Variants in LRP1B observed in about 807,000 individuals in gnomAD.
LRP1B encodes the protein low-density lipoprotein receptor-related protein 1B.
A neutral mutation model predicts 556.6 loss-of-function variants in LRP1B; 217 were observed. That is an observed-to-expected ratio of 0.39 (90% confidence interval 0.35 to 0.44). The LOEUF is 0.44. Among genes scored for constraint, LRP1B ranks in the 20% least tolerant of loss-of-function variants. LRP1B has a pLI of 1.00. For missense variants in LRP1B, 5,053 were observed against 5,620.8 expected, an observed-to-expected ratio of 0.90 and a Z score of 3.23; for synonymous variants, 2,047 against 1,865.8, an observed-to-expected ratio of 1.10 and a Z score of -2.50.
intron 1 of LRP1B, among the ~76,000 whole-genome samples, chr2:142,080,522 T>A (rs1705671142): frequency 6.8e-6 from 1 of 147,392 alleles, no homozygotes; most frequent in South Asian, 2.1e-4. Flanking sequence ...GGGTTGAGTT[T>A]GTAAAAAAAA....
At chr2:141,654,939 G>A (rs543927454) in intron 2 of LRP1B, among the ~76,000 whole-genome samples, 1 of 152,236 alleles carries the variant, frequency 6.6e-6, no homozygotes, top group East Asian at 1.9e-4. Flanking sequence ...TGTTAGGGAG[G>A]TGTACAATGC....
chr2:140,719,743 C>A lies in LRP1B; in HGVS notation c.5759-2927G>T, dbSNP rs536678876. 9.2e-5 allele frequency among the ~76,000 whole-genome samples: 14 copies of A among 152,100 alleles called. 1 individual carries two copies. Among genetic ancestry groups the A allele is most frequent in the African/African-American group, 3.1e-4 (13 of 41,540 alleles). The stretch of plus-strand genomic sequence containing the variant: ...GAGGAACTAACATATTTTCTCGTAT[C>A]CTTTCTATTAGGTACATTTGGGAAA... On this transcript the variant is annotated intron_variant, in intron 35 of 90. Coordinates refer to ENST00000389484, the MANE Select transcript of LRP1B (RefSeq NM_018557.3).
intron 1 of LRP1B, among the ~76,000 whole-genome samples, chr2:141,890,355 T>TA: frequency 2.0e-5 from 2 of 100,406 alleles, no homozygotes; most frequent in Non-Finnish European, 4.1e-5. Context: ...TATATATGTA[T>TA]TGTGCATATA....
chr2:141,598,224 A>G (rs1470884157), intron 2 of LRP1B, among the ~76,000 whole-genome samples: 2 of 152,088 alleles, frequency 1.3e-5, no homozygotes, highest in African/African-American at 4.8e-5. Flanking sequence ...TTCATCTTGA[A>G]TACCACAGTG....
intron 2 of LRP1B, among the ~76,000 whole-genome samples, chr2:141,537,255 A>C (rs1278800689): frequency 6.6e-6 from 1 of 152,128 alleles, no homozygotes; most frequent in Non-Finnish European, 1.5e-5. Context: ...ATGCATTAAG[A>C]AAAACTACAT....
chr2:140,275,021 C>T (rs527378447), intron 84 of LRP1B, among the ~76,000 whole-genome samples: 2 of 151,998 alleles, frequency 1.3e-5, no homozygotes, highest in South Asian at 2.1e-4. Context: ...GGTTGTTGGA[C>T]GCCGAAAGAA....
chr2:141,028,394 A>G (rs1415993492), intron 11 of LRP1B, among the ~76,000 whole-genome samples: 1 of 151,898 alleles, frequency 6.6e-6, no homozygotes, highest in Non-Finnish European at 1.5e-5. Flanking sequence ...GCAAAAAAAA[A>G]TGAGATGTTG....
At chr2:141,255,839 C>T (rs957642678) in intron 3 of LRP1B, among the ~76,000 whole-genome samples, 2 of 151,824 alleles carry the variant, frequency 1.3e-5, no homozygotes, top group African/African-American at 4.8e-5. Context: ...ATGTAAAAAT[C>T]CCATCCCCTC....
chr2:140,442,663 A>G lies in LRP1B; in HGVS notation c.10295-40T>C, dbSNP rs140828173. ...TGCCATTAAAATGTAGCTTTGGAGA[A>G]CATATTTATTTATTAAAAGCAAATT... is the stretch of plus-strand genomic sequence containing the variant. On this transcript the variant is annotated intron_variant, in intron 65 of 90. Coordinates refer to ENST00000389484, the MANE Select transcript of LRP1B (RefSeq NM_018557.3). The G allele has an allele frequency of 3.2e-3, 5,041 of 1,600,120 alleles. 128 individuals are homozygous for G. In the African/African-American group the frequency reaches 0.056, roughly 18 times the overall value.
chr2:141,689,138 G>A (rs901492873), intron 2 of LRP1B, among the ~76,000 whole-genome samples: 1 of 151,676 alleles, frequency 6.6e-6, no homozygotes, highest in African/African-American at 2.4e-5. Context: ...TTTTACCATC[G>A]TTTTCCCTTT....
Position 140,509,997 on chromosome 2 carries a change from G to C in LRP1B, c.8329C>G (p.Arg2777Gly), listed in dbSNP as rs371528816. ...SCQGSRACVP[R>G]HWLCDGERDC... is the part of the protein sequence containing the mutation. ...CTTTCACCATCACAAAGCCAATGTCGGGGCACGCAGGCACGAGAGCCCTGG... is the reference window on the plus strand; with the variant it reads ...CTTTCACCATCACAAAGCCAATGTCCGGGCACGCAGGCACGAGAGCCCTGG... The change falls in exon 52 of 91, where the codon CGA (arginine) becomes GGA (glycine). Residue 2777 changes from arginine (R) to glycine (G), a missense_variant. Physicochemically the swap from Arg to Gly is moderately radical, Grantham distance 125. This residue lies in a region of LRP1B where 3,619 missense variants were observed against 3,931.9 expected (regional missense o/e 0.92). Coordinates refer to ENST00000389484, the MANE Select transcript of LRP1B (RefSeq NM_018557.3). 41 of 1,613,940 alleles carry C rather than the reference G, an allele frequency of 2.5e-5. No homozygotes were observed. The African/African-American group carries it at 5.1e-4, about 20-fold the overall frequency.
In LRP1B at chr2:141,352,701, C is replaced by T. The variant is rs547153577; in HGVS notation, c.344-98060G>A. Among the ~76,000 whole-genome samples the T allele has an allele frequency of 4.3e-4, 66 of 151,928 alleles. 1 individual carries two copies. Among genetic ancestry groups the T allele is most frequent in the African/African-American group, 1.3e-3 (54 of 41,466 alleles). Reference sequence around the variant, plus strand: ...TTATCCTATAAGATAATGATTGTTACAATTTACACTAGGACAATATTAACA... The same window carrying T: ...TTATCCTATAAGATAATGATTGTTATAATTTACACTAGGACAATATTAACA... On this transcript the variant is annotated intron_variant, in intron 3 of 90. Transcript: ENST00000389484.
chr2:140,733,929 A>G (rs1392514114), intron 35 of LRP1B, among the ~76,000 whole-genome samples: 1 of 152,232 alleles, frequency 6.6e-6, no homozygotes, highest in Non-Finnish European at 1.5e-5. Flanking sequence ...AATTTTAAGT[A>G]GATTGTCTGG....
At chr2:140,254,738 G>A (rs1053878828) in intron 86 of LRP1B, among the ~76,000 whole-genome samples, 2 of 151,972 alleles carry the variant, frequency 1.3e-5, no homozygotes, top group Non-Finnish European at 2.9e-5. Flanking sequence ...AATTTTAGTA[G>A]AGGTGGGGTT....
At chr2:141,802,775 C>A (rs1054794322) in intron 2 of LRP1B, among the ~76,000 whole-genome samples, 5 of 151,996 alleles carry the variant, frequency 3.3e-5, no homozygotes, top group Admixed American at 6.6e-5. Flanking sequence ...AAGCGTCCTC[C>A]GGGAAGAAAT....
chr2:141,397,519 T>C (rs1008639880), intron 3 of LRP1B, among the ~76,000 whole-genome samples: 26 of 151,998 alleles, frequency 1.7e-4, no homozygotes, highest in Non-Finnish European at 3.4e-4. Context: ...ATTATATTAA[T>C]ACACAATATT....
intron 2 of LRP1B, among the ~76,000 whole-genome samples, chr2:141,759,483 T>A (rs1182790971): frequency 6.6e-6 from 1 of 152,140 alleles, no homozygotes; most frequent in East Asian, 1.9e-4. Context: ...ATCATTAGCA[T>A]TTTTAAAGAA....
intron 1 of LRP1B, among the ~76,000 whole-genome samples, chr2:142,047,153 C>A (rs1704288241): frequency 6.6e-6 from 1 of 151,852 alleles, no homozygotes; most frequent in South Asian, 2.1e-4. Flanking sequence ...GTTGTGGAGA[C>A]AATGCAGGGG....
intron 3 of LRP1B, among the ~76,000 whole-genome samples, chr2:141,416,444 C>T (rs1691104544): frequency 7.1e-6 from 1 of 141,308 alleles, no homozygotes; most frequent in Admixed American, 7.5e-5. Context: ...TATTTGACAG[C>T]CATTTTTTTT....
Sources: gnomAD v4.1 joint callset for allele counts (sites outside exome capture counted in the v4.1 genomes callset) on GRCh38, gnomAD v4.1.1 for gene constraint, gnomAD v4.1.1 regional missense constraint, MANE v1.5 for transcripts, NCBI Gene and HGNC (gene_info 2026-07-23, HGNC 2026-07-21) for gene names.